CSMD1: variants seen among roughly 807,000 people sequenced by gnomAD.
CSMD1 encodes the protein CUB and Sushi multiple domains 1.
In CSMD1, 213 loss-of-function variants were observed where a neutral mutation model predicts 417.5. The observed-to-expected ratio is 0.51, with a 90% CI of 0.46 to 0.57. The LOEUF (loss-of-function observed/expected upper bound fraction) is 0.57, where lower values mean the gene tolerates loss of function less well. Ranked by LOEUF, CSMD1 falls within the 20% of genes least tolerant of loss-of-function variation. CSMD1 has a pLI of 0.00. For synonymous variants in CSMD1, 2,862 were observed against 1,736.8 expected, an observed-to-expected ratio of 1.65 and a Z score of -16.11; for missense variants, 6,923 against 4,529.7, an observed-to-expected ratio of 1.53 and a Z score of -15.17.
At chr8:4,616,343 C>A (rs922372232) in intron 2 of CSMD1, among the ~76,000 whole-genome samples, 14 of 152,156 alleles carry the variant, frequency 9.2e-5, no homozygotes, top group African/African-American at 3.1e-4. Flanking sequence ...CTACCTGAGT[C>A]CTTCTCAAGA....
intron 4 of CSMD1, among the ~76,000 whole-genome samples, chr8:3,999,956 T>A (rs1054947128): frequency 5.3e-5 from 8 of 152,358 alleles, no homozygotes; most frequent in South Asian, 2.1e-4. Context: ...AATTATTAAG[T>A]GCACAGATTA....
chr8:3,581,130 C>T (rs1371515745), intron 9 of CSMD1, among the ~76,000 whole-genome samples: 1 of 152,134 alleles, frequency 6.6e-6, no homozygotes, highest in Non-Finnish European at 1.5e-5. Context: ...AAGTTCTCTA[C>T]ATAAATCGCC....
intron 5 of CSMD1, among the ~76,000 whole-genome samples, chr8:3,789,875 C>G (rs753969306): frequency 5.8e-4 from 88 of 151,954 alleles, no homozygotes; most frequent in Middle Eastern, 6.8e-3. Flanking sequence ...GGGACTACAG[C>G]TGCCCACCAC....
intron 4 of CSMD1, among the ~76,000 whole-genome samples, chr8:4,002,266 T>C (rs1363869244): frequency 2.0e-5 from 3 of 152,114 alleles, no homozygotes; most frequent in Non-Finnish European, 4.4e-5. Flanking sequence ...TGTGTGTTTG[T>C]GTTTGAAAGC....
intron 3 of CSMD1, among the ~76,000 whole-genome samples, chr8:4,235,092 C>G (rs1043350489): frequency 1.3e-5 from 2 of 152,040 alleles, no homozygotes; most frequent in African/African-American, 4.8e-5. Flanking sequence ...CAGGGGACTT[C>G]AAGAATAGAA....
At chr8:3,810,388 C>T (rs998598179) in intron 5 of CSMD1, among the ~76,000 whole-genome samples, 1 of 152,114 alleles carries the variant, frequency 6.6e-6, no homozygotes, top group African/African-American at 2.4e-5. Flanking sequence ...AATATGGTGA[C>T]CCTTCAGGGA....
At chr8:4,133,840 G>A (rs1714755) in intron 3 of CSMD1, among the ~76,000 whole-genome samples, 29 of 152,106 alleles carry the variant, frequency 1.9e-4, no homozygotes, top group African/African-American at 7.0e-4. Context: ...ACACACACCT[G>A]CTTTGCAATC....
chr8:3,465,287 G>A (rs966155634), intron 12 of CSMD1, among the ~76,000 whole-genome samples: 5 of 152,110 alleles, frequency 3.3e-5, no homozygotes, highest in African/African-American at 1.2e-4. Flanking sequence ...TCCTAAAAGG[G>A]TCCATTAACT....
intron 6 of CSMD1, among the ~76,000 whole-genome samples, chr8:3,735,345 T>A (rs1796478051): frequency 6.6e-6 from 1 of 152,050 alleles, no homozygotes; most frequent in Non-Finnish European, 1.5e-5. Context: ...CACAACCAGA[T>A]TCTGCAAATA....
chr8:4,242,129 T>C (rs1384368074), intron 3 of CSMD1, among the ~76,000 whole-genome samples: 4 of 152,240 alleles, frequency 2.6e-5, no homozygotes, highest in African/African-American at 7.2e-5. Flanking sequence ...AAGAATTATA[T>C]GTCTTTCTTA....
At chr8:3,659,243 C>T (rs1462143637) in intron 7 of CSMD1, among the ~76,000 whole-genome samples, 1 of 152,120 alleles carries the variant, frequency 6.6e-6, no homozygotes, top group African/African-American at 2.4e-5. Flanking sequence ...TATATTTATT[C>T]CTATGAGAAC....
intron 10 of CSMD1, 64 bp from the exon 11 acceptor site, chr8:3,493,790 A>AT: frequency 3.0e-6 from 4 of 1,345,834 alleles, no homozygotes; most frequent in Non-Finnish European, 4.2e-6. Context: ...TTTAATAGGT[A>AT]TTGCAAATAT....
chr8:3,265,605 A>T (rs1156818344), intron 26 of CSMD1, among the ~76,000 whole-genome samples: 1 of 152,216 alleles, frequency 6.6e-6, no homozygotes, highest in East Asian at 1.9e-4. Flanking sequence ...TCTGTCAGGA[A>T]CCAAGAGTGA....
intron 10 of CSMD1, among the ~76,000 whole-genome samples, chr8:3,505,059 A>G (rs976298091): frequency 2.6e-5 from 4 of 152,180 alleles, no homozygotes; most frequent in Non-Finnish European, 1.5e-5. Flanking sequence ...AGAATAAGCT[A>G]GTGAGAATTT....
intron 1 of CSMD1, among the ~76,000 whole-genome samples, chr8:4,760,819 A>G (rs1428138640): frequency 1.3e-5 from 2 of 152,302 alleles, no homozygotes; most frequent in African/African-American, 4.8e-5. Flanking sequence ...GATCTGCTGC[A>G]TTAGGAAGGA....
intron 1 of CSMD1, among the ~76,000 whole-genome samples, chr8:4,754,352 T>G (rs992428775): frequency 6.6e-6 from 1 of 152,198 alleles, no homozygotes; most frequent in Non-Finnish European, 1.5e-5. Context: ...GTGTTCTGGC[T>G]ACAGCGCTAT....
chr8:4,088,389 G>A (rs1346352246), intron 3 of CSMD1, among the ~76,000 whole-genome samples: 1 of 152,168 alleles, frequency 6.6e-6, no homozygotes, highest in Admixed American at 6.5e-5. Context: ...AAAGAGCTTT[G>A]TCGGTAACAC....
At chr8:3,708,326 G>A (rs1801296102) in intron 7 of CSMD1, 88 bp downstream of exon 7, 8 of 1,015,810 alleles carry the variant, frequency 7.9e-6, no homozygotes, top group East Asian at 2.4e-5. Context: ...TGGGGAAGGT[G>A]GTGGGTGGGA....
At chr8:3,895,554 C>T (rs796772159) in intron 5 of CSMD1, among the ~76,000 whole-genome samples, 5 of 152,074 alleles carry the variant, frequency 3.3e-5, no homozygotes, top group African/African-American at 1.2e-4. Context: ...AGGATATAAG[C>T]ACATGAAATA....
Sources: gnomAD v4.1 joint callset for allele counts (sites outside exome capture counted in the v4.1 genomes callset) on GRCh38, gnomAD v4.1.1 for gene constraint, MANE v1.5 for transcripts, NCBI Gene and HGNC (gene_info 2026-07-23, HGNC 2026-07-21) for gene names.